Variants in TNFSF4 observed in about 807,000 individuals in gnomAD.
TNFSF4 encodes tumor necrosis factor ligand superfamily member 4.
A neutral mutation model predicts 7.3 loss-of-function variants in TNFSF4; 4 were observed. The observed-to-expected ratio is 0.55, with a 90% CI of 0.27 to 1.25. TNFSF4 has a LOEUF of 1.25. Among genes scored for constraint, TNFSF4 ranks in the 50% most tolerant of loss-of-function variants. The pLI is 0.12. For synonymous variants in TNFSF4, 76 were observed against 83.7 expected (o/e 0.91, Z 0.50); for missense variants, 181 against 208.8 (o/e 0.87, Z 0.82).
the TNFSF4 span, among the ~76,000 whole-genome samples, chr1:173,386,594 AT>A: frequency 6.6e-6 from 1 of 152,146 alleles, no homozygotes. Flanking sequence ...GGTTGGGGCC[AT>A]CACAGAGAGC....
the TNFSF4 span, among the ~76,000 whole-genome samples, chr1:173,385,824 A>G: frequency 6.6e-6 from 1 of 152,176 alleles, no homozygotes; most frequent in African/African-American, 2.4e-5. Context: ...CCTGGGCAAC[A>G]GAGCAAGACT....
intron 1 of TNFSF4, among the ~76,000 whole-genome samples, chr1:173,198,246 C>A (rs879707603): frequency 7.9e-5 from 12 of 152,208 alleles, no homozygotes; most frequent in Admixed American, 3.3e-4. Context: ...AGAAAATGTT[C>A]TTTCCCTTCC....
At chr1:173,410,924 C>T in the TNFSF4 span, among the ~76,000 whole-genome samples, 2 of 152,174 alleles carry the variant, frequency 1.3e-5, no homozygotes, top group Non-Finnish European at 2.9e-5. Context: ...GGGGTAGCAG[C>T]TGCACTGGGG....
the TNFSF4 span, among the ~76,000 whole-genome samples, chr1:173,433,570 C>A: frequency 1.3e-5 from 2 of 151,734 alleles, no homozygotes; most frequent in South Asian, 4.2e-4. Flanking sequence ...GCTATGGTGG[C>A]ATGCACCTGT....
the TNFSF4 span, among the ~76,000 whole-genome samples, chr1:173,422,425 G>T: frequency 6.6e-6 from 1 of 151,536 alleles, no homozygotes; most frequent in African/African-American, 2.4e-5. Context: ...CAGCCTTAAA[G>T]GGATGGAGAG....
chr1:173,294,102 G>A, the TNFSF4 span, among the ~76,000 whole-genome samples: 1 of 151,888 alleles, frequency 6.6e-6, no homozygotes, highest in East Asian at 1.9e-4. Context: ...TCCCATTACT[G>A]GTATATACCC....
At chr1:173,314,889 TATA>T in the TNFSF4 span, among the ~76,000 whole-genome samples, 1 of 152,040 alleles carries the variant, frequency 6.6e-6, no homozygotes, top group Non-Finnish European at 1.5e-5. Context: ...GTACAATGGG[TATA>T]ATGTTTGGCC....
intron 1 of TNFSF4, among the ~76,000 whole-genome samples, chr1:173,194,392 C>T (rs142902956): frequency 6.6e-6 from 1 of 152,272 alleles, no homozygotes; most frequent in East Asian, 1.9e-4. Context: ...GTACATAAAA[C>T]CTTTAGTAAA....
chr1:173,394,193 G>A, the TNFSF4 span, among the ~76,000 whole-genome samples: 8 of 120,912 alleles, frequency 6.6e-5, no homozygotes, highest in Admixed American at 4.7e-4. Context: ...GGCCAGCCTG[G>A]AAACATAGCA....
the TNFSF4 span, among the ~76,000 whole-genome samples, chr1:173,312,731 G>C: frequency 6.6e-6 from 1 of 152,074 alleles, no homozygotes; most frequent in African/African-American, 2.4e-5. Context: ...GAAGAGACCA[G>C]AGTACCCCAG....
At chr1:173,234,005 C>A in the TNFSF4 span, among the ~76,000 whole-genome samples, 1 of 152,184 alleles carries the variant, frequency 6.6e-6, no homozygotes, top group Non-Finnish European at 1.5e-5. Context: ...TCAGAGTGAA[C>A]AGGCAACCTA....
the TNFSF4 span, among the ~76,000 whole-genome samples, chr1:173,269,333 A>G: frequency 6.6e-6 from 1 of 152,152 alleles, no homozygotes; most frequent in Non-Finnish European, 1.5e-5. Context: ...AATTCTTTTT[A>G]CTTCTTCACA....
the TNFSF4 span, among the ~76,000 whole-genome samples, chr1:173,368,745 A>C: frequency 1.3e-5 from 2 of 152,102 alleles, no homozygotes; most frequent in Non-Finnish European, 2.9e-5. Context: ...GAACTCTCAA[A>C]GTTACATCAC....
At chr1:173,278,968 A>C in the TNFSF4 span, among the ~76,000 whole-genome samples, 1 of 152,126 alleles carries the variant, frequency 6.6e-6, no homozygotes, top group African/African-American at 2.4e-5. Context: ...TGTAAAATTT[A>C]AAACTTTTAC....
chr1:173,347,784 C>T, the TNFSF4 span, among the ~76,000 whole-genome samples: 1 of 152,198 alleles, frequency 6.6e-6, no homozygotes, highest in African/African-American at 2.4e-5. Context: ...GCCTCAGCAA[C>T]ATTGACATTT....
chr1:173,431,925 C>T, the TNFSF4 span, among the ~76,000 whole-genome samples: 1 of 152,120 alleles, frequency 6.6e-6, no homozygotes, highest in South Asian at 2.1e-4. Flanking sequence ...AGTATGTAGC[C>T]CCCTTGGCTA....
the TNFSF4 span, among the ~76,000 whole-genome samples, chr1:173,441,067 C>T: frequency 6.6e-6 from 1 of 152,240 alleles, no homozygotes; most frequent in African/African-American, 2.4e-5. Context: ...TGAGTGCAGT[C>T]AGAGCAGGGG....
chr1:173,239,828 C>A, the TNFSF4 span, among the ~76,000 whole-genome samples: 2 of 152,170 alleles, frequency 1.3e-5, no homozygotes, highest in South Asian at 4.2e-4. Context: ...TCCAGGAGTT[C>A]GAGACTAGCC....
chr1:173,295,005 T>C, the TNFSF4 span, among the ~76,000 whole-genome samples: 1 of 152,068 alleles, frequency 6.6e-6, no homozygotes, highest in South Asian at 2.1e-4. Flanking sequence ...GAAAAGATGC[T>C]CATCATAATT....
Sources: gnomAD v4.1 joint callset for allele counts (sites outside exome capture counted in the v4.1 genomes callset) on GRCh38, gnomAD v4.1.1 for gene constraint, MANE v1.5 for transcripts, NCBI Gene and HGNC (gene_info 2026-07-23, HGNC 2026-07-21) for gene names.